The following TRIO variants were observed in gnomAD, a reference collection of about 807,000 sequenced individuals.
TRIO encodes the protein triple functional domain protein.
TRIO carries 58 observed loss-of-function variants against 351.9 expected under a neutral mutation model. The observed-to-expected ratio is 0.16, with a 90% CI of 0.13 to 0.21. The LOEUF (loss-of-function observed/expected upper bound fraction) is 0.21, where lower values mean the gene tolerates loss of function less well. Ranked by LOEUF, TRIO falls within the 10% of genes least tolerant of loss-of-function variation. The pLI, the probability that TRIO is intolerant of heterozygous loss-of-function variation, is 1.00. For missense variants in TRIO, 3,201 were observed against 4,027.8 expected (o/e 0.79, Z 5.56); for synonymous variants, 1,758 against 1,595.7 (o/e 1.10, Z -2.42).
chr5:14,225,117 G>A (rs1398722147), intron 1 of TRIO, among the ~76,000 whole-genome samples: 1 of 152,118 alleles, frequency 6.6e-6, no homozygotes, highest in Non-Finnish European at 1.5e-5. Flanking sequence ...CTTCCCTCAA[G>A]TTTATCTGAA....
At chr5:14,260,756 G>A (rs1795297580) in intron 1 of TRIO, among the ~76,000 whole-genome samples, 1 of 152,198 alleles carries the variant, frequency 6.6e-6, no homozygotes, top group Non-Finnish European at 1.5e-5. Flanking sequence ...ACGTTGTGGA[G>A]TACATTAGGG....
chr5:14,359,388 C>A lies in TRIO; in HGVS notation c.2248C>A (p.His750Asn), dbSNP rs1298397950. 5 of 1,614,174 alleles carry A rather than the reference C, an allele frequency of 3.1e-6. No homozygotes were observed. Among genetic ancestry groups the A allele is most frequent in the Non-Finnish European group, 4.2e-6 (5 of 1,179,982 alleles). The stretch of plus-strand genomic sequence containing the variant: ...TGCCATCTCCAGTAACAAGACCCCC[C>A]ACAACAGCTCCATCAACCACATTGA... ...DSAISSNKTPHNSSINHIETV... is the reference protein window; with the variant it reads ...DSAISSNKTPNNSSINHIETV... Residue 750 changes from histidine (H) to asparagine (N), a missense_variant, in exon 13 of 57, where the codon CAC becomes AAC. By Grantham distance (68) the His-to-Asn change is moderately conservative (BLOSUM62 1). Around this residue, in one of 19 missense-constraint regions of TRIO, gnomAD observed 363 missense variants for 553.5 expected, o/e 0.66. Coordinates refer to ENST00000344204, the MANE Select transcript of TRIO (RefSeq NM_007118.4).
chr5:14,180,977 T>G (rs577705638), intron 1 of TRIO, among the ~76,000 whole-genome samples: 31 of 152,310 alleles, frequency 2.0e-4, no homozygotes, highest in African/African-American at 7.2e-4. Flanking sequence ...CAGAAAAAAG[T>G]TAAGGTATAA....
At position 14,465,576 on chromosome 5, in the gene TRIO, G is replaced by T. The variant is rs1754193473; in HGVS notation, c.5699G>T (p.Ser1900Ile). 1.9e-6 allele frequency: 3 copies of T among 1,613,922 alleles called. No individual in the cohort carries two copies. The highest frequency in any genetic ancestry group is 8.5e-7 in the Non-Finnish European group (1 of 1,180,008). The change falls in exon 37 of 57, where the codon AGC becomes ATC. Residue 1900 changes from serine to isoleucine, a missense_variant. Transcript: ENST00000344204. Reference sequence around the variant, plus strand: ...TCTCGGTTATTAGTCCGCCCCACCAGCTCCGAAACACCGAGTGCAGCCGAG... The same window carrying T: ...TCTCGGTTATTAGTCCGCCCCACCATCTCCGAAACACCGAGTGCAGCCGAG... The part of the protein sequence containing the change: ...ASSRLLVRPT[S>I]SETPSAAELV...
At chr5:14,150,565 T>C (rs1227731606) in intron 1 of TRIO, among the ~76,000 whole-genome samples, 1 of 151,926 alleles carries the variant, frequency 6.6e-6, no homozygotes, top group African/African-American at 2.4e-5. Context: ...CTCAAATCAA[T>C]TAAGACAAGA....
At chr5:14,239,887 G>A (rs191266055) in intron 1 of TRIO, among the ~76,000 whole-genome samples, 23 of 152,316 alleles carry the variant, frequency 1.5e-4, no homozygotes, top group Non-Finnish European at 2.8e-4. Flanking sequence ...TGCCTTTAAC[G>A]AAGGATGCTT....
At chr5:14,252,302 C>T (rs768274936) in intron 1 of TRIO, among the ~76,000 whole-genome samples, 3 of 152,226 alleles carry the variant, frequency 2.0e-5, no homozygotes, top group Non-Finnish European at 4.4e-5. Context: ...CCAGCTGTGG[C>T]CTCACCGAGC....
chr5:14,202,118 T>TA (rs1252580576), intron 1 of TRIO, among the ~76,000 whole-genome samples: 2 of 151,638 alleles, frequency 1.3e-5, no homozygotes, highest in East Asian at 1.9e-4. Flanking sequence ...AAGGTATAAT[T>TA]TAAAAAAAAA....
At chr5:14,437,682 G>T (rs1245028947) in intron 34 of TRIO, among the ~76,000 whole-genome samples, 7 of 129,230 alleles carry the variant, frequency 5.4e-5, no homozygotes, top group Admixed American at 4.7e-4. Flanking sequence ...ATTGGATGAG[G>T]ACCACCCCCC....
At chr5:14,450,152 G>A (rs1024020024) in intron 34 of TRIO, among the ~76,000 whole-genome samples, 4 of 152,194 alleles carry the variant, frequency 2.6e-5, no homozygotes, top group Non-Finnish European at 4.4e-5. Flanking sequence ...GTTCTGTTTG[G>A]TGAGATCGAC....
intron 29 of TRIO, among the ~76,000 whole-genome samples, chr5:14,397,930 T>A (rs1747749660): frequency 6.6e-6 from 1 of 152,124 alleles, no homozygotes; most frequent in African/African-American, 2.4e-5. Flanking sequence ...TTCTAGTTGT[T>A]TTTCTGGCTG....
At chr5:14,240,326 T>C (rs1037602256) in intron 1 of TRIO, among the ~76,000 whole-genome samples, 2 of 152,198 alleles carry the variant, frequency 1.3e-5, no homozygotes, top group Non-Finnish European at 2.9e-5. Context: ...TTTCAAATCA[T>C]GAGCTTCTCA....
intron 8 of TRIO, among the ~76,000 whole-genome samples, chr5:14,311,956 G>T (rs546101775): frequency 6.6e-6 from 1 of 152,112 alleles, no homozygotes; most frequent in African/African-American, 2.4e-5. Context: ...ACTGCGTTTG[G>T]ACCTAATTGA....
At chr5:14,502,555 A>T in intron 53 of TRIO, 24 bp from the exon 54 acceptor site, 1 of 1,613,380 alleles carries the variant, frequency 6.2e-7, no homozygotes, top group Non-Finnish European at 8.5e-7. Context: ...AAACAAGCTC[A>T]GGCAGGTGCT....
rs116941701 is a variant in TRIO, at chr5:14,474,143, C to G, written c.6083+46C>G. The G allele has an allele frequency of 1.4e-4, 216 of 1,573,576 alleles. No homozygotes were observed. In the East Asian group the frequency reaches 4.4e-3, roughly 32 times the overall value. ...CCCGATGGTGTGCAAAGCAGCCACA[C>G]TTGCTAAACCAAGGCAGGCCAGGCC... On this transcript the variant is annotated intron_variant, in intron 40 of 56. Coordinates refer to ENST00000344204, the MANE Select transcript of TRIO (RefSeq NM_007118.4).
At chr5:14,313,460 G>A (rs1329889217) in intron 8 of TRIO, among the ~76,000 whole-genome samples, 1 of 152,242 alleles carries the variant, frequency 6.6e-6, no homozygotes, top group Non-Finnish European at 1.5e-5. Flanking sequence ...CTCAGTAGAA[G>A]AATATTAATG....
chr5:14,420,193 A>G (rs1750001612), intron 34 of TRIO, 172 bp downstream of exon 34: 1 of 1,000,834 alleles, frequency 1.0e-6, no homozygotes, highest in Non-Finnish European at 1.4e-6. Flanking sequence ...CCTGAAGAGG[A>G]AATGAGGATT....
At chr5:14,180,052 G>A (rs1198578408) in intron 1 of TRIO, among the ~76,000 whole-genome samples, 2 of 122,572 alleles carry the variant, frequency 1.6e-5, no homozygotes, top group African/African-American at 6.4e-5. Context: ...AGTGAGCTGA[G>A]ATCGCACCAC....
chr5:14,227,275 G>A (rs1024309777), intron 1 of TRIO, among the ~76,000 whole-genome samples: 2 of 152,152 alleles, frequency 1.3e-5, no homozygotes, highest in Non-Finnish European at 2.9e-5. Context: ...GCCACCACTT[G>A]GAAGGTTAAA....
Sources: gnomAD v4.1 joint callset for allele counts (sites outside exome capture counted in the v4.1 genomes callset) on GRCh38, gnomAD v4.1.1 for gene constraint, gnomAD v4.1.1 regional missense constraint, MANE v1.5 for transcripts, NCBI Gene and HGNC (gene_info 2026-07-23, HGNC 2026-07-21) for gene names.